The following PCDH15 variants were observed in gnomAD, a reference collection of about 807,000 sequenced individuals.
PCDH15 encodes the protein protocadherin-15.
PCDH15 carries 129 observed loss-of-function variants against 178.5 expected under a neutral mutation model. That is an observed-to-expected ratio of 0.72 (90% confidence interval 0.63 to 0.84). PCDH15 has a LOEUF of 0.84. Among genes scored for constraint, PCDH15 ranks in the 40% least tolerant of loss-of-function variants. The pLI, the probability that PCDH15 is intolerant of heterozygous loss-of-function variation, is 0.00. For synonymous variants in PCDH15, 800 were observed against 732.0 expected (o/e 1.09, Z -1.50); for missense variants, 2,230 against 2,099.9 (o/e 1.06, Z -1.21).
intron 10 of PCDH15, among the ~76,000 whole-genome samples, chr10:54,196,920 G>C (rs2049730079): frequency 6.6e-6 from 1 of 152,166 alleles, no homozygotes; most frequent in Admixed American, 6.5e-5. Context: ...CAGCCTCCAC[G>C]ACTGTGAGAA....
chr10:54,020,489 T>C (rs1009590851), intron 19 of PCDH15, 73 bp from the exon 20 acceptor site: 5 of 1,381,146 alleles, frequency 3.6e-6, no homozygotes, highest in Non-Finnish European at 5.1e-6. Flanking sequence ...ATGGAAGTCA[T>C]GCGTTAGTGC....
chr10:53,999,658 C>CCTA (rs2092027345), intron 20 of PCDH15, among the ~76,000 whole-genome samples: 1 of 152,100 alleles, frequency 6.6e-6, no homozygotes, highest in Admixed American at 6.6e-5. Context: ...TGGAGAAGGA[C>CCTA]TGTTTCTCAT....
chr10:55,591,838 GATTT>G (rs1180432677), intron 2 of PCDH15, among the ~76,000 whole-genome samples: 2 of 152,020 alleles, frequency 1.3e-5, no homozygotes, highest in African/African-American at 4.8e-5. Context: ...TTTATATGTT[GATTT>G]ATTTGAAGAG....
intron 2 of PCDH15, among the ~76,000 whole-genome samples, chr10:55,368,289 A>G (rs759866484): frequency 6.6e-6 from 1 of 152,114 alleles, no homozygotes; most frequent in African/African-American, 2.4e-5. Context: ...ATAAATAATT[A>G]TTTTTCTTAG....
At chr10:55,313,643 G>A (rs1031800523) in intron 1 of PCDH15, among the ~76,000 whole-genome samples, 10 of 152,032 alleles carry the variant, frequency 6.6e-5, no homozygotes, top group Non-Finnish European at 7.4e-5. Context: ...AAATAGTTCC[G>A]TCTTCACATA....
chr10:53,892,826 C>T (rs984709949), intron 26 of PCDH15, among the ~76,000 whole-genome samples: 3 of 151,830 alleles, frequency 2.0e-5, no homozygotes, highest in Non-Finnish European at 4.4e-5. Flanking sequence ...ATAGTAACAG[C>T]GATATATTCT....
intron 1 of PCDH15, among the ~76,000 whole-genome samples, chr10:54,766,111 G>A (rs1948482295): frequency 6.6e-6 from 1 of 151,872 alleles, no homozygotes. Flanking sequence ...CAATGTATCT[G>A]GAATAAGAAA....
intron 26 of PCDH15, among the ~76,000 whole-genome samples, chr10:53,901,966 G>C (rs993789043): frequency 6.6e-6 from 1 of 151,940 alleles, no homozygotes; most frequent in African/African-American, 2.4e-5. Flanking sequence ...TGCATTACTC[G>C]GGTGGAAACT....
chr10:54,277,227 A>G (rs1375050986), intron 8 of PCDH15, among the ~76,000 whole-genome samples: 1 of 151,666 alleles, frequency 6.6e-6, no homozygotes, highest in African/African-American at 2.4e-5. Flanking sequence ...AGGTGGTTTC[A>G]TTGTTACAGG....
At chr10:54,028,452 G>A (rs1333428119) in intron 18 of PCDH15, among the ~76,000 whole-genome samples, 2 of 151,640 alleles carry the variant, frequency 1.3e-5, no homozygotes, top group Admixed American at 1.3e-4. Context: ...ATACCCAAAG[G>A]ACTAGAAATC....
chr10:53,821,300 A>T lies in PCDH15; in HGVS notation c.4368-1070T>A, dbSNP rs886047054. On this transcript the variant is annotated intron_variant, in intron 32 of 37. Transcript: ENST00000644397. ...CAGAAAACAGATGACTACATGTTATAGCACCTGAGATTTATTTTGAAATAC... is the reference window on the plus strand; with the variant it reads ...CAGAAAACAGATGACTACATGTTATTGCACCTGAGATTTATTTTGAAATAC... 82 of 986,586 alleles carry T rather than the reference A, an allele frequency of 8.3e-5. No homozygotes were observed. Among genetic ancestry groups the T allele is most frequent in the Non-Finnish European group, 9.6e-5 (80 of 829,582 alleles). The allele number at this position is 986,586 out of a possible 1,614,324, so 61.1% of individuals were successfully genotyped here.
chr10:54,237,356 A>G (rs1166832184), intron 8 of PCDH15, among the ~76,000 whole-genome samples: 5 of 152,074 alleles, frequency 3.3e-5, no homozygotes, highest in African/African-American at 1.2e-4. Context: ...ATACACATCA[A>G]TTATATTAAA....
intron 25 of PCDH15, among the ~76,000 whole-genome samples, chr10:53,907,572 G>T (rs995459473): frequency 6.6e-6 from 1 of 152,116 alleles, no homozygotes; most frequent in African/African-American, 2.4e-5. Flanking sequence ...GGGGCACCCT[G>T]CCTTATTTTT....
chr10:55,033,966 C>T (rs375334215), intron 2 of PCDH15, among the ~76,000 whole-genome samples: 8 of 151,920 alleles, frequency 5.3e-5, no homozygotes, highest in Non-Finnish European at 8.8e-5. Context: ...GTCCCTTCAC[C>T]TTCTATCATG....
chr10:54,885,905 C>A (rs572253510), intron 3 of PCDH15, among the ~76,000 whole-genome samples: 2 of 152,022 alleles, frequency 1.3e-5, no homozygotes, highest in Non-Finnish European at 2.9e-5. Context: ...CACCCAGTTA[C>A]GCTTTCCTTA....
intron 2 of PCDH15, among the ~76,000 whole-genome samples, chr10:54,938,432 C>A (rs1456958948): frequency 6.6e-6 from 1 of 151,970 alleles, no homozygotes; most frequent in African/African-American, 2.4e-5. Flanking sequence ...CACATGCCAG[C>A]AATACATAGA....
rs1432842059 is a variant in PCDH15 at position 53,811,537 on chromosome 10, C to A, written c.4562+12G>T. Reference sequence around the variant, plus strand: ...AAATAAGAATCTGAATTTTAAAAATCTGAAGATGTACCCATGCTCATAACT... The same window carrying A: ...AAATAAGAATCTGAATTTTAAAAATATGAAGATGTACCCATGCTCATAACT... On this transcript the variant is annotated intron_variant, in intron 36 of 37. Coordinates refer to ENST00000644397, the MANE Select transcript of PCDH15 (RefSeq NM_001384140.1). 6 of 1,458,194 alleles carry A rather than the reference C, an allele frequency of 4.1e-6. No homozygotes were observed. Among genetic ancestry groups the A allele is most frequent in the South Asian group, 1.5e-5 (1 of 65,920 alleles). The allele number at this position is 1,458,194 out of a possible 1,614,324, so 90.3% of individuals were successfully genotyped here. A position where few individuals can be genotyped will look rare whatever the true frequency, so the allele number is the denominator to read the frequency against.
chr10:53,890,931 T>A (rs1356691963), intron 26 of PCDH15, among the ~76,000 whole-genome samples: 11 of 152,204 alleles, frequency 7.2e-5, no homozygotes, highest in Non-Finnish European at 1.2e-4. Flanking sequence ...GAAGAATCAT[T>A]TATTTCTTAT....
intron 1 of PCDH15, among the ~76,000 whole-genome samples, chr10:54,781,820 A>G (rs1950390245): frequency 6.6e-6 from 1 of 152,200 alleles, no homozygotes; most frequent in Non-Finnish European, 1.5e-5. Flanking sequence ...CTTTGAAAGA[A>G]TATTACCAAT....
Sources: gnomAD v4.1 joint callset for allele counts (sites outside exome capture counted in the v4.1 genomes callset) on GRCh38, gnomAD v4.1.1 for gene constraint, MANE v1.5 for transcripts, NCBI Gene and HGNC (gene_info 2026-07-23, HGNC 2026-07-21) for gene names.